Variants in KCTD16 observed in about 807,000 individuals in gnomAD.
The protein encoded by KCTD16 is potassium channel tetramerization domain containing 16.
KCTD16 carries 13 observed loss-of-function variants against 33.2 expected under a neutral mutation model. The ratio of observed to expected loss-of-function variants is 0.39; its 90% CI spans 0.25 to 0.62. KCTD16 has a LOEUF of 0.62. KCTD16 is among the 20% of genes least tolerant of loss of function. The probability of loss-of-function intolerance (pLI) is 0.50; values close to 1 mark genes in which losing one functional copy is unlikely to be tolerated. For missense variants in KCTD16, 441 were observed against 525.1 expected, an observed-to-expected ratio of 0.84 and a Z score of 1.57; for synonymous variants, 197 against 195.3, an observed-to-expected ratio of 1.01 and a Z score of -0.07.
At chr5:144,322,506 A>G (rs1047807943) in intron 3 of KCTD16, among the ~76,000 whole-genome samples, 1 of 151,418 alleles carries the variant, frequency 6.6e-6, no homozygotes, top group African/African-American at 2.4e-5. Context: ...CATCACAGAA[A>G]AAACAAACAA....
In KCTD16 at chr5:144,296,583, C is replaced by A. The variant is rs531325475; in HGVS notation, c.832+89037C>A. Reference sequence around the variant, plus strand: ...ATAGGGATCCTTTTAAAAAATTCAACAATTATTTGGAGAACTTCACTGTAT... The same window carrying A: ...ATAGGGATCCTTTTAAAAAATTCAAAAATTATTTGGAGAACTTCACTGTAT... On this transcript the variant is annotated intron_variant, in intron 3 of 3. Coordinates refer to ENST00000512467, the MANE Select transcript of KCTD16 (RefSeq NM_020768.4). 2.0e-5 allele frequency among the ~76,000 whole-genome samples: 3 copies of A among 152,152 alleles called. No homozygotes were observed. The Middle Eastern group carries it at 0.01, about 518-fold the overall frequency.
chr5:144,292,275 GA>G (rs748408672), intron 3 of KCTD16, among the ~76,000 whole-genome samples: 7 of 152,192 alleles, frequency 4.6e-5, no homozygotes, highest in Admixed American at 3.9e-4. Context: ...TCCTTGCTGT[GA>G]AAATGAATGG....
chr5:144,417,242 A>C (rs1241990171), intron 3 of KCTD16, among the ~76,000 whole-genome samples: 1 of 152,086 alleles, frequency 6.6e-6, no homozygotes, highest in Non-Finnish European at 1.5e-5. Context: ...CAATGTGGAG[A>C]GTTCTAATTT....
chr5:144,359,792 A>G (rs1331463496), intron 3 of KCTD16, among the ~76,000 whole-genome samples: 2 of 152,024 alleles, frequency 1.3e-5, no homozygotes, highest in Non-Finnish European at 2.9e-5. Flanking sequence ...AAACCCTGAT[A>G]TAGAATCAGG....
At chr5:144,231,525 CTG>C (rs1313052968) in intron 3 of KCTD16, among the ~76,000 whole-genome samples, 1 of 152,140 alleles carries the variant, frequency 6.6e-6, no homozygotes, top group Non-Finnish European at 1.5e-5. Context: ...TAGTGATAGT[CTG>C]TGATACTACA....
At chr5:144,259,025 G>A (rs1054650863) in intron 3 of KCTD16, among the ~76,000 whole-genome samples, 62 of 152,074 alleles carry the variant, frequency 4.1e-4, no homozygotes, top group African/African-American at 1.4e-3. Context: ...TTGGGAGACC[G>A]AAGTGGGCAG....
At chr5:144,279,905 TC>T (rs1755552125) in intron 3 of KCTD16, among the ~76,000 whole-genome samples, 1 of 152,246 alleles carries the variant, frequency 6.6e-6, no homozygotes, top group African/African-American at 2.4e-5. Flanking sequence ...TTACATTTTT[TC>T]CCCCATCTAT....
chr5:144,316,191 G>T (rs999806750), intron 3 of KCTD16, among the ~76,000 whole-genome samples: 2 of 152,160 alleles, frequency 1.3e-5, no homozygotes, highest in African/African-American at 4.8e-5. Context: ...AGCAAACAAT[G>T]CAGCAGGTGA....
chr5:144,359,054 G>A (rs907956163), intron 3 of KCTD16, among the ~76,000 whole-genome samples: 1 of 152,200 alleles, frequency 6.6e-6, no homozygotes, highest in African/African-American at 2.4e-5. Flanking sequence ...GGGCACTGAG[G>A]CTCAGAAGGT....
At chr5:144,226,700 G>A (rs889919049) in intron 3 of KCTD16, among the ~76,000 whole-genome samples, 3 of 151,870 alleles carry the variant, frequency 2.0e-5, no homozygotes, top group Admixed American at 2.0e-4. Context: ...AGCCACCCAA[G>A]TAGCTGGGAT....
chr5:144,283,134 G>A (rs971523588), intron 3 of KCTD16, among the ~76,000 whole-genome samples: 5 of 151,966 alleles, frequency 3.3e-5, no homozygotes, highest in Non-Finnish European at 7.4e-5. Flanking sequence ...GTCCCATGTT[G>A]GTGTGCTGCA....
chr5:144,352,375 G>A (rs1427148831), intron 3 of KCTD16, among the ~76,000 whole-genome samples: 1 of 152,168 alleles, frequency 6.6e-6, no homozygotes, highest in East Asian at 1.9e-4. Context: ...AAGTGGGGAT[G>A]TACTGGCAGA....
At chr5:144,470,960 C>G (rs1224010758) in intron 3 of KCTD16, among the ~76,000 whole-genome samples, 1 of 152,152 alleles carries the variant, frequency 6.6e-6, no homozygotes, top group African/African-American at 2.4e-5. Flanking sequence ...GCGGGCAGAT[C>G]ACTTGAGGTC....
chr5:144,352,813 G>A (rs1751476087), intron 3 of KCTD16, among the ~76,000 whole-genome samples: 1 of 152,236 alleles, frequency 6.6e-6, no homozygotes, highest in African/African-American at 2.4e-5. Context: ...ATCTGAGTTG[G>A]CACTAATGGG....
chr5:144,456,681 TA>T (rs1201574981), intron 3 of KCTD16, among the ~76,000 whole-genome samples: 2 of 152,162 alleles, frequency 1.3e-5, no homozygotes, highest in African/African-American at 2.4e-5. Context: ...TTTTGACTGA[TA>T]AATTTGTAGT....
chr5:144,280,379 T>A (rs1224252536), intron 3 of KCTD16, among the ~76,000 whole-genome samples: 1 of 152,204 alleles, frequency 6.6e-6, no homozygotes, highest in Non-Finnish European at 1.5e-5. Flanking sequence ...ATTATAGTTA[T>A]CTACTGTGTC....
intron 3 of KCTD16, among the ~76,000 whole-genome samples, chr5:144,263,908 T>C (rs1755075186): frequency 6.6e-6 from 1 of 152,218 alleles, no homozygotes; most frequent in African/African-American, 2.4e-5. Context: ...CCTCACATGA[T>C]GAAGAAGAGA....
At position 144,473,738 on chromosome 5, in the gene KCTD16, G is replaced by C; in HGVS notation, c.911G>C (p.Gly304Ala). The C allele has an allele frequency of 6.2e-7, 1 of 1,613,456 alleles. No homozygotes were observed. Among genetic ancestry groups the C allele is most frequent in the Non-Finnish European group, 8.5e-7 (1 of 1,179,464 alleles). The change falls in exon 4 of 4, where the codon GGC becomes GCC. Residue 304 changes from glycine to alanine, a missense_variant. Physicochemically the swap from Gly to Ala is moderately conservative, Grantham distance 60 (BLOSUM62 0). Coordinates refer to ENST00000512467, the MANE Select transcript of KCTD16 (RefSeq NM_020768.4). ...NGKGDKEGESGTSCNDLSTSS... is the reference protein window; with the variant it reads ...NGKGDKEGESATSCNDLSTSS... ...AAAGGTGACAAAGAAGGGGAGAGCG[G>C]CACGTCTTGCAATGACCTCTCCACA...
At chr5:144,469,774 C>A (rs1403292736) in intron 3 of KCTD16, among the ~76,000 whole-genome samples, 2 of 151,942 alleles carry the variant, frequency 1.3e-5, no homozygotes, top group South Asian at 2.1e-4. Context: ...TACAATTCAA[C>A]ATATGTGTTC....
Sources: allele counts gnomAD v4.1 joint callset (sites outside exome capture counted in the v4.1 genomes callset), GRCh38; gene constraint gnomAD v4.1.1; transcripts MANE v1.5; gene names NCBI Gene and HGNC (gene_info 2026-07-23, HGNC 2026-07-21).